The following AGL variants were observed in gnomAD, a reference collection of about 807,000 sequenced individuals.
AGL encodes the protein glycogen debranching enzyme.
A neutral mutation model predicts 199.3 loss-of-function variants in AGL; 128 were observed. That is an observed-to-expected ratio of 0.64 (90% CI 0.56 to 0.74). The LOEUF is 0.74. Among genes scored for constraint, AGL ranks in the 30% least tolerant of loss-of-function variants. The probability of loss-of-function intolerance (pLI) is 0.00; values close to 1 mark genes in which losing one functional copy is unlikely to be tolerated. For synonymous variants in AGL, 584 were observed against 594.7 expected (o/e 0.98, Z 0.26); for missense variants, 1,809 against 1,820.8 (o/e 0.99, Z 0.12).
In AGL at chr1:99,890,251, C is replaced by T. The variant is rs558161425; in HGVS notation, c.2813-969C>T. On this transcript the variant is annotated intron_variant, in intron 21 of 33. Transcript: ENST00000361915. ...TCCATTCCGTTGGTCATCATCAGAT[C>T]TGTTTCTAAAACACTGTTTTCCTTA... Among the ~76,000 whole-genome samples the T allele has an allele frequency of 2.0e-5, 3 of 152,270 alleles. No homozygotes were observed. In the South Asian group the frequency reaches 6.2e-4, roughly 32 times the overall value.
intron 17 of AGL, among the ~76,000 whole-genome samples, chr1:99,882,108 T>C (rs1652082845): frequency 6.8e-6 from 1 of 148,130 alleles, no homozygotes; most frequent in Non-Finnish European, 1.5e-5. Flanking sequence ...CACTGCACTC[T>C]ACTGGGTGAT....
At chr1:99,916,059 A>G (rs779986989) in intron 31 of AGL, among the ~76,000 whole-genome samples, 1 of 152,128 alleles carries the variant, frequency 6.6e-6, no homozygotes, top group Non-Finnish European at 1.5e-5. Context: ...TATTCTATAT[A>G]TATTTCAATT....
chr1:99,901,651 A>T (rs973867144), intron 26 of AGL, among the ~76,000 whole-genome samples: 6 of 151,624 alleles, frequency 4.0e-5, no homozygotes, highest in Non-Finnish European at 8.8e-5. Context: ...ACAGTGAAGA[A>T]TGGATAGACA....
At chr1:99,916,347 C>A in intron 31 of AGL, 63 bp from the exon 32 acceptor site, 1 of 1,292,006 alleles carries the variant, frequency 7.7e-7, no homozygotes, top group Non-Finnish European at 1.1e-6. Context: ...TGAAATTTTT[C>A]TAATGCTTTT....
intron 5 of AGL, among the ~76,000 whole-genome samples, chr1:99,867,189 C>G (rs140267937): frequency 5.9e-5 from 9 of 152,346 alleles, no homozygotes; most frequent in Non-Finnish European, 1.0e-4. Context: ...GCTTCACACA[C>G]TCTTTACGTA....
chr1:99,868,678 A>G (rs1650737804), intron 5 of AGL, among the ~76,000 whole-genome samples: 1 of 152,076 alleles, frequency 6.6e-6, no homozygotes, highest in Non-Finnish European at 1.5e-5. Context: ...ACTACTTGGG[A>G]GGCTGAGGCA....
At chr1:99,851,236 T>C (rs770080270) in intron 2 of AGL, 112 bp downstream of exon 2, 71 of 971,406 alleles carry the variant, frequency 7.3e-5, no homozygotes, top group Admixed American at 2.7e-4. Context: ...TCCAAGGGTC[T>C]AAAACTTGAT....
At position 99,896,260 on chromosome 1, in the gene AGL, T is replaced by C. The variant is rs369542636; in HGVS notation, c.3260-26T>C. The C allele has an allele frequency of 1.7e-5, 26 of 1,539,252 alleles. No homozygotes were observed. In the African/African-American group the frequency reaches 2.2e-4, roughly 13 times the overall value. ...TGTGTGTATTATTATGATTAACATATTACTTTGTTGTGTTTTTTTTGTTAG... is the reference window on the plus strand; with the variant it reads ...TGTGTGTATTATTATGATTAACATACTACTTTGTTGTGTTTTTTTTGTTAG... On this transcript the variant is annotated intron_variant, in intron 24 of 33. Coordinates refer to ENST00000361915, the MANE Select transcript of AGL (RefSeq NM_000642.3).
At chr1:99,909,710 G>A (rs1158771030) in intron 27 of AGL, among the ~76,000 whole-genome samples, 2 of 151,792 alleles carry the variant, frequency 1.3e-5, no homozygotes, top group Non-Finnish European at 2.9e-5. Context: ...CAAGTCTTGA[G>A]GTTCCTAGCC....
At chr1:99,875,492 A>G (rs746514941) in intron 10 of AGL, 37 bp downstream of exon 10, 2 of 1,534,752 alleles carry the variant, frequency 1.3e-6, no homozygotes, top group Admixed American at 1.7e-5. Context: ...TTGATGGTTG[A>G]AAACTGAAAA....
At chr1:99,892,716 T>A in intron 24 of AGL, 109 bp downstream of exon 24, 1 of 1,073,638 alleles carries the variant, frequency 9.3e-7, no homozygotes, top group Non-Finnish European at 1.4e-6. Flanking sequence ...CTCAAGATTT[T>A]ATTTTACCAC....
rs569457843 is a variant in AGL, at chr1:99,855,528, C to T, written c.82+4404C>T. On this transcript the variant is annotated intron_variant, in intron 2 of 33. Coordinates refer to ENST00000361915, the MANE Select transcript of AGL (RefSeq NM_000642.3). ...ATAATGAATAAAATCAGGCCGAGCA[C>T]GGTGGCTTACTCCTGTAATCCCGGC... Among the ~76,000 whole-genome samples, 18 of 152,230 alleles carry T rather than the reference C, an allele frequency of 1.2e-4. 1 individual carries two copies. The South Asian group carries it at 3.5e-3, about 30-fold the overall frequency.
intron 2 of AGL, among the ~76,000 whole-genome samples, chr1:99,857,845 G>GT (rs1649680384): frequency 8.2e-6 from 1 of 122,504 alleles, no homozygotes; most frequent in African/African-American, 3.2e-5. Context: ...AGGGGGAGGG[G>GT]GAGGGGGGAA....
At chr1:99,903,775 C>G (rs905660474) in intron 27 of AGL, among the ~76,000 whole-genome samples, 5 of 152,192 alleles carry the variant, frequency 3.3e-5, no homozygotes, top group Non-Finnish European at 1.5e-5. Flanking sequence ...GTTCCTATTT[C>G]TCCACATCCT....
chr1:99,867,450 A>G (rs543725707), intron 5 of AGL, among the ~76,000 whole-genome samples: 45 of 152,028 alleles, frequency 3.0e-4, no homozygotes, highest in Middle Eastern at 6.8e-3. Context: ...TCTCCTCCCA[A>G]CTCCCAGCCT....
chr1:99,856,518 A>C (rs565412904), intron 2 of AGL, among the ~76,000 whole-genome samples: 39 of 151,614 alleles, frequency 2.6e-4, no homozygotes, highest in African/African-American at 9.5e-4. Flanking sequence ...GTCATAAGAC[A>C]ATAGTGGAGG....
chr1:99,900,317 AATACCAT>A, intron 25 of AGL, among the ~76,000 whole-genome samples: 1 of 152,312 alleles, frequency 6.6e-6, no homozygotes, highest in African/African-American at 2.4e-5. Context: ...TCGATTTTGA[AATACCAT>A]AGACTTCAAA....
chr1:99,912,540 A>G, intron 29 of AGL, 23 bp downstream of exon 29: 3 of 1,525,214 alleles, frequency 2.0e-6, no homozygotes, highest in Non-Finnish European at 2.7e-6. Context: ...TTTTATTTAC[A>G]AAGAACCTTC....
chr1:99,857,717 C>T (rs1451994501), intron 2 of AGL, among the ~76,000 whole-genome samples: 1 of 127,510 alleles, frequency 7.8e-6, no homozygotes. Context: ...CAGGCTGAGG[C>T]AGGAGAATCA....
Sources: gnomAD v4.1 joint callset for allele counts (sites outside exome capture counted in the v4.1 genomes callset) on GRCh38, gnomAD v4.1.1 for gene constraint, MANE v1.5 for transcripts, NCBI Gene and HGNC (gene_info 2026-07-23, HGNC 2026-07-21) for gene names.